HCN3: variants seen among roughly 807,000 people sequenced by gnomAD.
The protein encoded by HCN3 is potassium/sodium hyperpolarization-activated cyclic nucleotide-gated channel 3.
A neutral mutation model predicts 56.8 loss-of-function variants in HCN3; 36 were observed. That is an observed-to-expected ratio of 0.63 (90% CI 0.49 to 0.84). The LOEUF is 0.84. Ranked by LOEUF, HCN3 falls within the 40% of genes least tolerant of loss-of-function variation. The pLI is 0.00. For missense variants in HCN3, 930 were observed against 1,079.3 expected (o/e 0.86, Z 1.94); for synonymous variants, 425 against 439.7 (o/e 0.97, Z 0.42).
At chr1:155,278,590 G>A (rs1227994466) in intron 1 of HCN3, 3 of 152,634 alleles carry the variant, frequency 2.0e-5, no homozygotes, top group Non-Finnish European at 1.5e-5. Context: ...TGTCCTTGGG[G>A]GAAATGAAGG....
Position 155,277,692 on chromosome 1 carries a change from A to G in HCN3, c.102A>G (p.Ser34=), listed in dbSNP as rs1478668991. The change falls in exon 1 of 8, where the codon TCA becomes TCG. Residue 34 remains serine, a synonymous_variant. Transcript: ENST00000368358. ...PVAPPPATAA[S]GPIPKSGPEP... Reference sequence around the variant, plus strand: ...CTCCCCCGCCTGCGACCGCGGCCTCAGGTCCGATCCCCAAATCTGGGCCTG... The same window carrying G: ...CTCCCCCGCCTGCGACCGCGGCCTCGGGTCCGATCCCCAAATCTGGGCCTG... 22 of 1,567,018 alleles carry G rather than the reference A, an allele frequency of 1.4e-5. No individual in the cohort carries two copies. Among genetic ancestry groups the G allele is most frequent in the Non-Finnish European group, 1.8e-5 (21 of 1,156,744 alleles).
intron 1 of HCN3, among the ~76,000 whole-genome samples, chr1:155,281,518 G>A (rs762687674): frequency 6.7e-6 from 1 of 149,980 alleles, no homozygotes; most frequent in Non-Finnish European, 1.5e-5. Flanking sequence ...ACAGGCTCTC[G>A]CCACCATGCC....
chr1:155,287,397 A>G lies in HCN3; in HGVS notation c.1642+60A>G, dbSNP rs1674332092. 2.5e-6 allele frequency: 4 copies of G among 1,593,340 alleles called. No individual in the cohort carries two copies. The South Asian group carries it at 4.4e-5, about 18-fold the overall frequency. On this transcript the variant is annotated intron_variant, in intron 7 of 7. Coordinates refer to ENST00000368358, the MANE Select transcript of HCN3 (RefSeq NM_020897.3). ...GACTGTGCTCTCACCCCACCTCCAA[A>G]GCAAGGAGCCCAGGCTTTAGGGCTC...
Position 155,288,632 on chromosome 1 carries a change from CAA to C in HCN3, c.*170_*171del. The C allele has an allele frequency of 1.3e-6, 1 of 794,956 alleles. No individual in the cohort carries two copies. The highest frequency in any genetic ancestry group is 1.9e-6 in the Non-Finnish European group (1 of 518,560). 49.2% of individuals were successfully genotyped at this position (794,956 alleles called of 1,614,324 possible). A position where few individuals can be genotyped will look rare whatever the true frequency, so the allele number is the denominator to read the frequency against. ...GAAGACGGTCTCTGTGTCCTCAGCTCAAGAATCCTGTAGCTTGTCCCATCATA... is the reference window on the plus strand; with the variant it reads ...GAAGACGGTCTCTGTGTCCTCAGCTCGAATCCTGTAGCTTGTCCCATCATA... On this transcript the variant is annotated 3_prime_UTR_variant, in exon 8 of 8. Transcript: ENST00000368358. The surrounding 1 kb of genome is among the most constrained non-coding windows in gnomAD (Gnocchi z 6.5).
In HCN3 at chr1:155,280,997, G is replaced by T. The variant is rs546001264; in HGVS notation, c.279-1414G>T. Among the ~76,000 whole-genome samples the T allele has an allele frequency of 2.6e-3, 397 of 151,066 alleles. 2 individuals carry two copies. The highest frequency in any genetic ancestry group is 4.3e-3 in the Non-Finnish European group (289 of 67,848). On this transcript the variant is annotated intron_variant, in intron 1 of 7. Transcript: ENST00000368358. ...TCGAACTCCCAGCCTCAGGCGATCC[G>T]CCCACCTTGGCCTCTCAAAGTGCTG...
rs1485939749 is a variant in HCN3, at chr1:155,284,794, G to C, written c.1089+37G>C. 1.9e-6 allele frequency: 3 copies of C among 1,563,952 alleles called. No individual in the cohort carries two copies. Among genetic ancestry groups the C allele is most frequent in the Admixed American group, 1.8e-5 (1 of 56,060 alleles). ...CAGGAGAGGGAGGTGTGGCATGGAG[G>C]GGTGTTGGAGACTGGGTAGCCTGAC... On this transcript the variant is annotated intron_variant, in intron 4 of 7. Coordinates refer to ENST00000368358, the MANE Select transcript of HCN3 (RefSeq NM_020897.3). The surrounding 1 kb of genome is among the most constrained non-coding windows in gnomAD (Gnocchi z 4.3).
chr1:155,277,856 A>G lies in HCN3; in HGVS notation c.266A>G (p.Tyr89Cys). The G allele has an allele frequency of 6.2e-7, 1 of 1,611,898 alleles. No homozygotes were observed. Among genetic ancestry groups the G allele is most frequent in the Non-Finnish European group, 8.5e-7 (1 of 1,179,862 alleles). ...GCGGGGGCCTGGATCATCCACCCCT[A>G]CAGCGACTTCCGGTATTGGGGGCTT... The part of the protein sequence containing the change: ...KSAGAWIIHP[Y>C]SDFRFYWDLI... The change falls in exon 1 of 8, where the codon TAC (tyrosine) becomes TGC (cysteine). Residue 89 changes from tyrosine (Y) to cysteine (C), a missense_variant. Coordinates refer to ENST00000368358, the MANE Select transcript of HCN3 (RefSeq NM_020897.3).
Position 155,287,891 on chromosome 1 carries a change from G to A in HCN3, c.1753G>A (p.Val585Ile). The A allele has an allele frequency of 6.2e-7, 1 of 1,614,000 alleles. No individual in the cohort carries two copies. The highest frequency in any genetic ancestry group is 8.5e-7 in the Non-Finnish European group (1 of 1,180,018). Residue 585 changes from valine to isoleucine, a missense_variant, in exon 8 of 8, where the codon GTT (valine) becomes ATT (isoleucine). Val to Ile is a conservative substitution (Grantham distance 29). Transcript: ENST00000368358. ...VQHDRDMARGVRGRAPSTGAQ... is the reference protein window; with the variant it reads ...VQHDRDMARGIRGRAPSTGAQ... ...ACATGACAGAGACATGGCTCGGGGT[G>A]TTCGGGGTCGGGCCCCGAGCACAGG... is the stretch of plus-strand genomic sequence containing the variant.
rs936995111 is a variant in HCN3, at chr1:155,285,236, C to T, written c.1161C>T (p.Tyr387=). The T allele has an allele frequency of 8.7e-6, 14 of 1,614,250 alleles. No individual in the cohort carries two copies. Among genetic ancestry groups the T allele is most frequent in the Non-Finnish European group, 1.2e-5 (14 of 1,180,038 alleles). ...PADTRQRIHE[Y]YEHRYQGKMF... ...ACACGCGGCAGCGCATCCACGAGTA[C>T]TATGAGCACCGCTACCAGGGCAAGA... is the stretch of plus-strand genomic sequence containing the variant. Residue 387 remains tyrosine, a synonymous_variant, in exon 5 of 8, where the codon TAC becomes TAT. Transcript: ENST00000368358. This position sits in a 1 kb window ranked among gnomAD's most constrained non-coding sequence, Gnocchi z 4.5.
intron 6 of HCN3, 81 bp downstream of exon 6, chr1:155,286,045 C>T (rs1674273991): frequency 2.0e-6 from 3 of 1,508,020 alleles, no homozygotes; most frequent in East Asian, 4.6e-5. Context: ...GGGTCCCTGC[C>T]TCAGTACGCT....
At chr1:155,279,819 T>G (rs894442096) in intron 1 of HCN3, among the ~76,000 whole-genome samples, 3 of 152,168 alleles carry the variant, frequency 2.0e-5, no homozygotes, top group African/African-American at 4.8e-5. Context: ...GCTGTGAGAT[T>G]AGCACAGGAT....
chr1:155,281,701 C>G (rs1674057044), intron 1 of HCN3, among the ~76,000 whole-genome samples: 1 of 152,030 alleles, frequency 6.6e-6, no homozygotes, highest in Non-Finnish European at 1.5e-5. Flanking sequence ...TAGGATCTTA[C>G]TATGTTGCCC....
intron 1 of HCN3, among the ~76,000 whole-genome samples, chr1:155,280,210 G>T (rs1207349384): frequency 5.3e-5 from 8 of 151,916 alleles, no homozygotes; most frequent in Non-Finnish European, 1.2e-4. Context: ...CTCCCAAAGT[G>T]CTGGGATTAC....
rs1674344082 is a variant in HCN3, at chr1:155,287,658, A to G, written c.1643-123A>G. 3.1e-6 allele frequency: 4 copies of G among 1,292,724 alleles called. No individual in the cohort carries two copies. In the Admixed American group the frequency reaches 1.0e-4, roughly 34 times the overall value. 80.1% of individuals were successfully genotyped at this position (1,292,724 alleles called of 1,614,324 possible). A position where few individuals can be genotyped will look rare whatever the true frequency, so the allele number is the denominator to read the frequency against. Reference sequence around the variant, plus strand: ...ACCCCCATAGCCCCATTGCCATACTACTGACTCCCATCCCCTACCCTCAAC... The same window carrying G: ...ACCCCCATAGCCCCATTGCCATACTGCTGACTCCCATCCCCTACCCTCAAC... On this transcript the variant is annotated intron_variant, in intron 7 of 7. Transcript: ENST00000368358.
chr1:155,280,267 T>A (rs559374581), intron 1 of HCN3, among the ~76,000 whole-genome samples: 14 of 150,338 alleles, frequency 9.3e-5, no homozygotes, highest in Non-Finnish European at 1.6e-4. Flanking sequence ...TTATTTATTT[T>A]ATTTATTTAT....
intron 6 of HCN3, among the ~76,000 whole-genome samples, chr1:155,286,828 A>G (rs1230746851): frequency 6.6e-6 from 1 of 151,492 alleles, no homozygotes; most frequent in Middle Eastern, 3.2e-3. Context: ...GGGTACACTG[A>G]GTTGCCCAGG....
At chr1:155,277,973 G>T (rs1673877654) in intron 1 of HCN3, 105 bp downstream of exon 1, 1 of 1,380,996 alleles carries the variant, frequency 7.2e-7, no homozygotes, top group Non-Finnish European at 9.9e-7. Context: ...TTCATTTCCA[G>T]CCCGGGGTCC....
At position 155,287,844 on chromosome 1, in the gene HCN3, T is replaced by A. The variant is rs777721982; in HGVS notation, c.1706T>A (p.Ile569Asn). ...SEPSPGSSGG[I>N]MEQHLVQHDR... ...CCAAGTCCAGGCAGCAGTGGTGGCATCATGGAGCAGCACTTGGTGCAACAT... is the reference window on the plus strand; with the variant it reads ...CCAAGTCCAGGCAGCAGTGGTGGCAACATGGAGCAGCACTTGGTGCAACAT... Residue 569 changes from isoleucine to asparagine, a missense_variant, in exon 8 of 8, where the codon ATC becomes AAC. Transcript: ENST00000368358. 3 of 1,613,204 alleles carry A rather than the reference T, an allele frequency of 1.9e-6. No homozygotes were observed. The African/African-American group carries it at 4.0e-5, about 22-fold the overall frequency.
At position 155,282,394 on chromosome 1, in the gene HCN3, TCTCA is replaced by T; in HGVS notation, c.279-13_279-10del. On this transcript the variant is annotated splice_polypyrimidine_tract_variant and intron_variant, in intron 1 of 7. Coordinates refer to ENST00000368358, the MANE Select transcript of HCN3 (RefSeq NM_020897.3). This position sits in a 1 kb window ranked among gnomAD's most constrained non-coding sequence, Gnocchi z 4.7. ...AATATCCTCATGGTCTTACTCCTCA[TCTCA>T]CTCCCACCTTAGGTTTTACTGGGAC... The T allele has an allele frequency of 6.2e-7, 1 of 1,612,708 alleles. No homozygotes were observed.
Sources: gnomAD v4.1 joint callset for allele counts (sites outside exome capture counted in the v4.1 genomes callset) on GRCh38, gnomAD v4.1.1 for gene constraint, Gnocchi (gnomAD v3.1) non-coding constraint, MANE v1.5 for transcripts, NCBI Gene and HGNC (gene_info 2026-07-23, HGNC 2026-07-21) for gene names.